The following NEDD4L variants were observed in gnomAD, a reference collection of about 807,000 sequenced individuals.
NEDD4L encodes NEDD4 like E3 ubiquitin protein ligase.
NEDD4L carries 54 observed loss-of-function variants against 148.9 expected under a neutral mutation model. That is an observed-to-expected ratio of 0.36 (90% CI 0.29 to 0.45). NEDD4L has a LOEUF of 0.45. Ranked by LOEUF, NEDD4L falls within the 20% of genes least tolerant of loss-of-function variation. The probability of loss-of-function intolerance (pLI) is 1.00; values close to 1 mark genes in which losing one functional copy is unlikely to be tolerated. For synonymous variants in NEDD4L, 433 were observed against 440.7 expected (o/e 0.98, Z 0.22); for missense variants, 856 against 1,233.8 (o/e 0.69, Z 4.59).
chr18:58,083,678 A>T (rs1238587810), intron 1 of NEDD4L, among the ~76,000 whole-genome samples: 1 of 114,576 alleles, frequency 8.7e-6, no homozygotes, highest in Admixed American at 9.7e-5. Context: ...ACAGAGCGAG[A>T]CTCCATCTCA....
At chr18:58,268,938 GA>G (rs1568526653) in intron 5 of NEDD4L, among the ~76,000 whole-genome samples, 2 of 152,004 alleles carry the variant, frequency 1.3e-5, no homozygotes, top group South Asian at 2.1e-4. Flanking sequence ...CAAGGGTGAT[GA>G]CAAGGTATGG....
At chr18:58,102,276 T>A (rs750918041) in intron 1 of NEDD4L, among the ~76,000 whole-genome samples, 1 of 152,180 alleles carries the variant, frequency 6.6e-6, no homozygotes, top group Non-Finnish European at 1.5e-5. Context: ...GGCTCACATG[T>A]CTCCAGAGAC....
intron 1 of NEDD4L, among the ~76,000 whole-genome samples, chr18:58,064,464 T>G (rs1355085085): frequency 6.6e-6 from 1 of 152,192 alleles, no homozygotes; most frequent in Non-Finnish European, 1.5e-5. Flanking sequence ...TCATCTGTGC[T>G]CAGGAAGTCA....
chr18:58,301,991 G>T (rs913091782), intron 5 of NEDD4L, among the ~76,000 whole-genome samples: 2 of 152,178 alleles, frequency 1.3e-5, no homozygotes, highest in Non-Finnish European at 2.9e-5. Context: ...GTGATAGGGG[G>T]ATTCACTAAG....
At chr18:58,135,207 TG>T (rs2050498404) in intron 1 of NEDD4L, among the ~76,000 whole-genome samples, 1 of 152,078 alleles carries the variant, frequency 6.6e-6, no homozygotes, top group African/African-American at 2.4e-5. Context: ...AATGGATAAA[TG>T]AATGAATGAA....
At chr18:58,068,281 A>T (rs1437548498) in intron 1 of NEDD4L, among the ~76,000 whole-genome samples, 1 of 143,602 alleles carries the variant, frequency 7.0e-6, no homozygotes, top group African/African-American at 2.6e-5. Flanking sequence ...CTCATTGCAA[A>T]CTCCGCCTCC....
At chr18:58,181,628 G>T (rs2038878196) in intron 2 of NEDD4L, among the ~76,000 whole-genome samples, 1 of 152,098 alleles carries the variant, frequency 6.6e-6, no homozygotes, top group African/African-American at 2.4e-5. Flanking sequence ...TAGATACAGG[G>T]ATCTCGCTAT....
chr18:58,232,384 A>G (rs17064505), intron 2 of NEDD4L, among the ~76,000 whole-genome samples: 3,071 of 152,316 alleles, frequency 0.02, 114 homozygotes, highest in African/African-American at 0.069. Flanking sequence ...TGAATCAGAC[A>G]CAAGCAAAAA....
chr18:58,385,617 T>C (rs1389460247), intron 26 of NEDD4L, 31 bp downstream of exon 26: 2 of 1,583,376 alleles, frequency 1.3e-6, no homozygotes, highest in South Asian at 2.2e-5. Flanking sequence ...TTCTCTGCCA[T>C]GTGCCTCTGG....
chr18:58,371,203 A>ATTTTTT (rs34960405), intron 23 of NEDD4L, among the ~76,000 whole-genome samples: 38 of 92,968 alleles, frequency 4.1e-4, no homozygotes, highest in African/African-American at 5.5e-4. Flanking sequence ...TGCCTGGCTA[A>ATTTTTT]TTTTTTTTTT....
rs1232157203 is a variant in NEDD4L, at chr18:58,399,939, A to C, written c.*3670A>C. 6.6e-6 allele frequency: 1 copy of C among 152,244 alleles called. No homozygotes were observed. Among genetic ancestry groups the C allele is most frequent in the South Asian group, 2.1e-4 (1 of 4,830 alleles). The allele number at this position is 152,244 out of a possible 1,614,324, so 9.4% of individuals were successfully genotyped here. A position where few individuals can be genotyped will look rare whatever the true frequency, so the allele number is the denominator to read the frequency against. On this transcript the variant is annotated 3_prime_UTR_variant, in exon 31 of 31. Coordinates refer to ENST00000400345, the MANE Select transcript of NEDD4L (RefSeq NM_001144967.3). ...GTTCATACACAGCAACTTTTTAATTATTCTAACAGTTACCCATTAACAGTC... is the reference window on the plus strand; with the variant it reads ...GTTCATACACAGCAACTTTTTAATTCTTCTAACAGTTACCCATTAACAGTC...
At chr18:58,113,563 C>A (rs997067641) in intron 1 of NEDD4L, among the ~76,000 whole-genome samples, 1 of 152,078 alleles carries the variant, frequency 6.6e-6, no homozygotes, top group Non-Finnish European at 1.5e-5. Context: ...GAGGGGGTTT[C>A]CCAGGCAGGG....
At chr18:58,388,336 C>G (rs1010021411) in intron 27 of NEDD4L, 1 of 152,184 alleles carries the variant, frequency 6.6e-6, no homozygotes, top group African/African-American at 2.4e-5. Context: ...AATCATATAC[C>G]TCAAGCCTTT....
chr18:58,293,444 G>T (rs1423469573), intron 5 of NEDD4L, among the ~76,000 whole-genome samples: 4 of 152,150 alleles, frequency 2.6e-5, no homozygotes, highest in Admixed American at 6.5e-5. Context: ...ATCAGCTGTT[G>T]GATATGGGAT....
rs181214467 is a variant in NEDD4L at position 58,309,006 on chromosome 18, G to A, written c.298-6976G>A. On this transcript the variant is annotated intron_variant, in intron 5 of 30. Coordinates refer to ENST00000400345, the MANE Select transcript of NEDD4L (RefSeq NM_001144967.3). ...TGGGTGACTTCACGCTGTCCTCAGC[G>A]CTGTCCTCGGCGCTCTCTCTCCAGT... Among the ~76,000 whole-genome samples the A allele has an allele frequency of 3.3e-5, 5 of 152,328 alleles. No homozygotes were observed. In the East Asian group the frequency reaches 5.8e-4, roughly 18 times the overall value.
Position 58,165,808 on chromosome 18 carries a change from A to C in NEDD4L, c.69A>C (p.Arg23Ser). ...CACAGGGAGAGTCCCGTATTCTCAG[A>C]GTAAAAGTTGTTTCTGGAATTGATC... Reference protein sequence around the residue: ...SEDEGESRILRVKVVSGIDLA... With the variant: ...SEDEGESRILSVKVVSGIDLA... Residue 23 changes from arginine (R) to serine (S), a missense_variant, in exon 2 of 31, where the codon AGA becomes AGC. By Grantham distance (110) the Arg-to-Ser change is moderately radical (BLOSUM62 -1). This residue lies in a region of NEDD4L where 193 missense variants were observed against 244.2 expected (regional missense o/e 0.79). Coordinates refer to ENST00000400345, the MANE Select transcript of NEDD4L (RefSeq NM_001144967.3). The C allele has an allele frequency of 6.2e-7, 1 of 1,611,382 alleles. No individual in the cohort carries two copies. Among genetic ancestry groups the C allele is most frequent in the South Asian group, 1.1e-5 (1 of 90,272 alleles).
chr18:58,056,219 T>C (rs2082079370), intron 1 of NEDD4L, among the ~76,000 whole-genome samples: 1 of 152,170 alleles, frequency 6.6e-6, no homozygotes, highest in African/African-American at 2.4e-5. Flanking sequence ...GTGTTTAAAG[T>C]GTTGGTAGGT....
intron 2 of NEDD4L, among the ~76,000 whole-genome samples, chr18:58,232,370 T>C (rs1375227100): frequency 1.3e-5 from 2 of 152,234 alleles, no homozygotes; most frequent in Admixed American, 1.3e-4. Context: ...GTGTCCTTTT[T>C]GGATGAATCA....
At chr18:58,328,367 C>A (rs1394194039) in intron 9 of NEDD4L, among the ~76,000 whole-genome samples, 1 of 152,174 alleles carries the variant, frequency 6.6e-6, no homozygotes, top group African/African-American at 2.4e-5. Flanking sequence ...CAGACCCCGG[C>A]TGACTTGAGA....
Sources: gnomAD v4.1 joint callset for allele counts (sites outside exome capture counted in the v4.1 genomes callset) on GRCh38, gnomAD v4.1.1 for gene constraint, gnomAD v4.1.1 regional missense constraint, MANE v1.5 for transcripts, NCBI Gene and HGNC (gene_info 2026-07-23, HGNC 2026-07-21) for gene names.